Variants in PAIP2 observed in about 807,000 individuals in gnomAD.
PAIP2 encodes the protein polyadenylate-binding protein-interacting protein 2.
A neutral mutation model predicts 14.8 loss-of-function variants in PAIP2; 7 were observed. That is an observed-to-expected ratio of 0.47 (90% confidence interval 0.27 to 0.89). The LOEUF (loss-of-function observed/expected upper bound fraction) is 0.89, where lower values mean the gene tolerates loss of function less well. Among genes scored for constraint, PAIP2 ranks in the 40% least tolerant of loss-of-function variants. PAIP2 has a pLI of 0.13. For missense variants in PAIP2, 122 were observed against 154.7 expected (o/e 0.79, Z 1.12); for synonymous variants, 47 against 45.3 (o/e 1.04, Z -0.15).
intron 1 of PAIP2, among the ~76,000 whole-genome samples, chr5:139,349,964 T>G (rs530324333): frequency 9.2e-5 from 14 of 152,100 alleles, no homozygotes; most frequent in African/African-American, 2.9e-4. Flanking sequence ...ATTGCGCCAC[T>G]ACACTCCAGC....
intron 1 of PAIP2, among the ~76,000 whole-genome samples, chr5:139,363,406 A>G (rs960412038): frequency 1.3e-5 from 2 of 152,178 alleles, no homozygotes; most frequent in African/African-American, 2.4e-5. Flanking sequence ...CCTGCTAATA[A>G]TAAACAGATG....
At chr5:139,349,036 CA>C (rs1470652906) in intron 1 of PAIP2, among the ~76,000 whole-genome samples, 2 of 152,140 alleles carry the variant, frequency 1.3e-5, no homozygotes, top group Non-Finnish European at 1.5e-5. Flanking sequence ...GTATTCAATT[CA>C]AAAATTATTT....
At chr5:139,364,437 C>T (rs1757158151) in intron 2 of PAIP2, 127 bp from the exon 3 acceptor site, 1 of 555,556 alleles carries the variant, frequency 1.8e-6, no homozygotes, top group Non-Finnish European at 3.1e-6. Context: ...CATTTTTTTT[C>T]CTTAGCATGG....
At chr5:139,359,095 C>T (rs796970620) in intron 1 of PAIP2, among the ~76,000 whole-genome samples, 47 of 152,220 alleles carry the variant, frequency 3.1e-4, no homozygotes, top group African/African-American at 1.1e-3. Context: ...CCACCTCACT[C>T]TCCTGAGTAT....
chr5:139,366,729 T>G (rs1757269713), intron 3 of PAIP2, among the ~76,000 whole-genome samples: 1 of 152,226 alleles, frequency 6.6e-6, no homozygotes, highest in South Asian at 2.1e-4. Flanking sequence ...GATATTACTT[T>G]GTTTCATTCT....
rs1431141310 is a variant in PAIP2, at chr5:139,346,817, G to C, written c.-27+4837G>C. 2.0e-5 allele frequency among the ~76,000 whole-genome samples: 3 copies of C among 151,138 alleles called. No individual in the cohort carries two copies. In the East Asian group the frequency reaches 5.8e-4, roughly 29 times the overall value. ...TGCTGGGCGTGAGCTGCTGCGCCCA[G>C]CTTATTTTTATTTTTTGAGATGCAG... is the stretch of plus-strand genomic sequence containing the variant. On this transcript the variant is annotated intron_variant, in intron 1 of 3. Coordinates refer to ENST00000265192, the MANE Select transcript of PAIP2 (RefSeq NM_016480.5).
intron 1 of PAIP2, among the ~76,000 whole-genome samples, chr5:139,355,653 G>A (rs545183004): frequency 6.6e-6 from 1 of 152,094 alleles, no homozygotes; most frequent in African/African-American, 2.4e-5. Context: ...TCAGGAGTTC[G>A]AGACCAACCT....
chr5:139,343,905 A>G (rs529403195), intron 1 of PAIP2, among the ~76,000 whole-genome samples: 1 of 152,040 alleles, frequency 6.6e-6, no homozygotes, highest in East Asian at 1.9e-4. Flanking sequence ...TTTAGTAGAG[A>G]CAGGGTTTCA....
chr5:139,350,290 T>G (rs62381620), intron 1 of PAIP2, among the ~76,000 whole-genome samples: 3,261 of 152,224 alleles, frequency 0.021, 52 homozygotes, highest in Non-Finnish European at 0.03. Flanking sequence ...TTGACCAGAT[T>G]AAGTAAAAAA....
chr5:139,348,578 A>G (rs1392825885), intron 1 of PAIP2, among the ~76,000 whole-genome samples: 3 of 151,500 alleles, frequency 2.0e-5, no homozygotes, highest in African/African-American at 7.3e-5. Flanking sequence ...AAGATGGTCT[A>G]GATCTCCTGA....
chr5:139,358,026 G>C (rs1756966743), intron 1 of PAIP2, among the ~76,000 whole-genome samples: 1 of 151,570 alleles, frequency 6.6e-6, no homozygotes, highest in Non-Finnish European at 1.5e-5. Context: ...TCATTGCATT[G>C]GCAGTTCTTT....
intron 1 of PAIP2, among the ~76,000 whole-genome samples, chr5:139,357,894 C>G (rs1348533984): frequency 6.6e-6 from 1 of 152,158 alleles, no homozygotes; most frequent in Non-Finnish European, 1.5e-5. Flanking sequence ...AGGCTATTGT[C>G]TTCAAGGCTT....
chr5:139,343,121 A>G (rs1368058907), intron 1 of PAIP2: 1 of 152,196 alleles, frequency 6.6e-6, no homozygotes, highest in Non-Finnish European at 1.5e-5. Flanking sequence ...GCAATAAGTA[A>G]AAGTTCTCTA....
intron 1 of PAIP2, among the ~76,000 whole-genome samples, chr5:139,363,097 T>C (rs1757120133): frequency 6.6e-6 from 1 of 151,916 alleles, no homozygotes; most frequent in African/African-American, 2.4e-5. Context: ...AAAAATTAGC[T>C]GGGCATGGTA....
chr5:139,357,107 T>C (rs1756939656), intron 1 of PAIP2, among the ~76,000 whole-genome samples: 1 of 152,186 alleles, frequency 6.6e-6, no homozygotes, highest in Non-Finnish European at 1.5e-5. Context: ...TTTTTTTAAA[T>C]GCCTTTAAGC....
At chr5:139,367,826 T>G (rs921075275) in intron 3 of PAIP2, among the ~76,000 whole-genome samples, 1 of 152,252 alleles carries the variant, frequency 6.6e-6, no homozygotes, top group African/African-American at 2.4e-5. Flanking sequence ...TTCCGTGCTA[T>G]TCCTTTAACT....
chr5:139,355,166 CTTTTTTT>C (rs758442291), intron 1 of PAIP2, among the ~76,000 whole-genome samples: 6 of 118,750 alleles, frequency 5.1e-5, no homozygotes, highest in South Asian at 5.4e-4. Context: ...TTGTCTCTCT[CTTTTTTT>C]TTTTTTTTTT....
At chr5:139,353,393 G>C (rs894522713) in intron 1 of PAIP2, among the ~76,000 whole-genome samples, 2 of 152,106 alleles carry the variant, frequency 1.3e-5, no homozygotes, top group African/African-American at 4.8e-5. Flanking sequence ...GGATGTTAAA[G>C]ACATTTGTTT....
chr5:139,341,962 C>A lies in PAIP2; in HGVS notation c.-45C>A, dbSNP rs1024250091. 2 of 152,702 alleles carry A rather than the reference C, an allele frequency of 1.3e-5. No individual in the cohort carries two copies. The highest frequency in any genetic ancestry group is 4.8e-5 in the African/African-American group (2 of 41,432). The allele number at this position is 152,702 out of a possible 1,614,324, so 9.5% of individuals were successfully genotyped here. A position where few individuals can be genotyped will look rare whatever the true frequency, so the allele number is the denominator to read the frequency against. Reference sequence around the variant, plus strand: ...GCCGACAGGATTCGTTGGCTGCCGTCCCCGCTGCTGTGCATTGGGTGAGGG... The same window carrying A: ...GCCGACAGGATTCGTTGGCTGCCGTACCCGCTGCTGTGCATTGGGTGAGGG... On this transcript the variant is annotated 5_prime_UTR_variant, in exon 1 of 4. Coordinates refer to ENST00000265192, the MANE Select transcript of PAIP2 (RefSeq NM_016480.5).
Sources: allele counts gnomAD v4.1 joint callset (sites outside exome capture counted in the v4.1 genomes callset), GRCh38; gene constraint gnomAD v4.1.1; transcripts MANE v1.5; gene names NCBI Gene and HGNC (gene_info 2026-07-23, HGNC 2026-07-21).